Variants in PATJ observed in about 807,000 individuals in gnomAD.
PATJ encodes the protein inaD-like protein.
Under a neutral mutation model 224.9 loss-of-function variants are expected in PATJ, and 190 were observed. The ratio of observed to expected loss-of-function variants is 0.84; its 90% CI spans 0.75 to 0.95. The LOEUF is 0.95. PATJ is among the 40% of genes least tolerant of loss of function. The pLI is 0.00. For synonymous variants in PATJ, 769 were observed against 820.3 expected (o/e 0.94, Z 1.07); for missense variants, 2,121 against 2,270.3 (o/e 0.93, Z 1.34).
At position 62,161,150 on chromosome 1, in the gene PATJ, G is replaced by C. The variant is rs978517685; in HGVS notation, c.*96G>C. On this transcript the variant is annotated 3_prime_UTR_variant, in exon 44 of 44. Transcript: ENST00000642238. ...TATGAAAAGCACCCTCAACTAAAAT[G>C]CACCTTCATTCTTATTTCTTGCCCT... 4.8e-5 allele frequency: 46 copies of C among 959,442 alleles called. No individual in the cohort carries two copies. The African/African-American group carries it at 5.9e-4, about 12-fold the overall frequency. 59.4% of individuals were successfully genotyped at this position (959,442 alleles called of 1,614,324 possible).
In PATJ at chr1:61,922,493, G is replaced by A. The variant is rs557160694; in HGVS notation, c.3571-5237G>A. 2.6e-5 allele frequency among the ~76,000 whole-genome samples: 4 copies of A among 152,164 alleles called. No individual in the cohort carries two copies. The South Asian group carries it at 8.3e-4, about 32-fold the overall frequency. ...CCTCTATCACCCAGAACACTGCCTG[G>A]CATCATATATATTTCTTGAATGAAT... On this transcript the variant is annotated intron_variant, in intron 26 of 43. Transcript: ENST00000642238.
chr1:61,758,081 C>A (rs1038076386), intron 1 of PATJ, among the ~76,000 whole-genome samples: 2 of 152,146 alleles, frequency 1.3e-5, no homozygotes, highest in Admixed American at 6.6e-5. Flanking sequence ...TGTGTTAATG[C>A]AAAGGGTTGG....
intron 27 of PATJ, among the ~76,000 whole-genome samples, chr1:61,930,436 T>C (rs1459904041): frequency 6.6e-6 from 1 of 152,220 alleles, no homozygotes; most frequent in African/African-American, 2.4e-5. Flanking sequence ...GACTAAGCCT[T>C]TGTTTTTACA....
At chr1:61,919,125 G>A (rs1053231440) in intron 26 of PATJ, among the ~76,000 whole-genome samples, 5 of 150,710 alleles carry the variant, frequency 3.3e-5, no homozygotes, top group African/African-American at 9.8e-5. Flanking sequence ...AAGTGTGTTC[G>A]TCTTATCTGT....
intron 37 of PATJ, chr1:62,117,448 C>T (rs555728821): frequency 1.5e-6 from 2 of 1,349,834 alleles, no homozygotes; most frequent in Non-Finnish European, 1.9e-6. Context: ...CTTGGAAGCT[C>T]TTTTCTCTCT....
At chr1:62,153,891 C>T (rs774362585) in intron 43 of PATJ, among the ~76,000 whole-genome samples, 5 of 152,054 alleles carry the variant, frequency 3.3e-5, no homozygotes, top group East Asian at 1.9e-4. Context: ...GTGCAAGCCT[C>T]GAATCAGTGC....
At chr1:61,850,682 A>C (rs111668161) in intron 17 of PATJ, among the ~76,000 whole-genome samples, 25 of 152,366 alleles carry the variant, frequency 1.6e-4, no homozygotes, top group African/African-American at 5.8e-4. Flanking sequence ...CTAAAAGCAC[A>C]AACTCTGGGA....
intron 26 of PATJ, among the ~76,000 whole-genome samples, chr1:61,927,243 G>T (rs1473266213): frequency 6.6e-6 from 1 of 152,124 alleles, no homozygotes; most frequent in African/African-American, 2.4e-5. Context: ...TTTTCAGTTA[G>T]AAAATCTTGG....
chr1:61,952,391 T>C (rs1679845590), intron 27 of PATJ: 1 of 717,050 alleles, frequency 1.4e-6, no homozygotes, highest in Non-Finnish European at 2.6e-6. Flanking sequence ...AACACAACAA[T>C]GGTCCAAGGG....
intron 28 of PATJ, among the ~76,000 whole-genome samples, chr1:61,999,667 CA>C (rs575953445): frequency 0.011 from 1,630 of 151,862 alleles, 14 homozygotes; most frequent in Middle Eastern, 0.041. Context: ...GACTCTATCT[CA>C]AAAAAACAAA....
At chr1:62,116,509 G>A (rs979997219) in intron 35 of PATJ, 23 bp from the exon 36 acceptor site, 1 of 1,612,782 alleles carries the variant, frequency 6.2e-7, no homozygotes, top group Non-Finnish European at 8.5e-7. Flanking sequence ...TGCCAATACT[G>A]CACTGCTGTA....
rs546454793 is a variant in PATJ, at chr1:61,965,660, A to G, written c.3671-24508A>G. On this transcript the variant is annotated intron_variant, in intron 27 of 43. Coordinates refer to ENST00000642238, the MANE Select transcript of PATJ (RefSeq NM_001350145.3). ...AGTGACGGGAGAAATTGAGAAGTAC[A>G]GAGAAGGCATAGCACCCAAATGCGA... Among the ~76,000 whole-genome samples, 24 of 152,338 alleles carry G rather than the reference A, an allele frequency of 1.6e-4. No homozygotes were observed. In the East Asian group the frequency reaches 4.4e-3, roughly 28 times the overall value.
At position 62,161,326 on chromosome 1, in the gene PATJ, G is replaced by GTTT. The variant is rs1669814748; in HGVS notation, c.*272_*273insTTT. 4.7e-6 allele frequency: 1 copy of GTTT among 215,048 alleles called. No individual in the cohort carries two copies. Among genetic ancestry groups the GTTT allele is most frequent in the African/African-American group, 2.7e-5 (1 of 37,672 alleles). The allele number at this position is 215,048 out of a possible 1,614,324, so 13.3% of individuals were successfully genotyped here. A position where few individuals can be genotyped will look rare whatever the true frequency, so the allele number is the denominator to read the frequency against. On this transcript the variant is annotated 3_prime_UTR_variant, in exon 44 of 44. Transcript: ENST00000642238. The stretch of plus-strand genomic sequence containing the variant: ...GTTTTGCATTTAATTTCAGTGTTCC[G>GTTT]ATTTCTTTTTTTTTTTTTTTTTTTT...
At chr1:61,755,691 A>G (rs965812675) in intron 1 of PATJ, among the ~76,000 whole-genome samples, 1 of 152,198 alleles carries the variant, frequency 6.6e-6, no homozygotes, top group African/African-American at 2.4e-5. Context: ...TCAAACTATC[A>G]GTGGTGAAAG....
rs550589589 is a variant in PATJ at position 61,914,630 on chromosome 1, A to G, written c.3536A>G (p.Asn1179Ser). Reference protein sequence around the residue: ...VHNKANKITGNQNQDTQEKKE... With the variant: ...VHNKANKITGSQNQDTQEKKE... ...AACAAGGCCAACAAAATCACCGGTAACCAGAACCAGGACACCCAAGAAAAG... is the reference window on the plus strand; with the variant it reads ...AACAAGGCCAACAAAATCACCGGTAGCCAGAACCAGGACACCCAAGAAAAG... Residue 1179 changes from asparagine (N) to serine (S), a missense_variant, in exon 26 of 44, where the codon AAC (asparagine) becomes AGC (serine). By Grantham distance (46) the Asn-to-Ser change is conservative. Transcript: ENST00000642238. 2.5e-6 allele frequency: 4 copies of G among 1,581,186 alleles called. No individual in the cohort carries two copies. The South Asian group carries it at 4.4e-5, about 18-fold the overall frequency.
intron 25 of PATJ, among the ~76,000 whole-genome samples, chr1:61,911,695 TTATATA>T (rs141530445): frequency 0.06 from 8,467 of 140,572 alleles, 792 homozygotes; most frequent in African/African-American, 0.21. Context: ...CTATATATTT[TTATATA>T]TATATATATA....
At chr1:62,024,033 A>G (rs1647294762) in intron 29 of PATJ, among the ~76,000 whole-genome samples, 1 of 152,220 alleles carries the variant, frequency 6.6e-6, no homozygotes, top group Non-Finnish European at 1.5e-5. Context: ...CCAGCCTTGC[A>G]TCTCAGGAAT....
intron 28 of PATJ, among the ~76,000 whole-genome samples, chr1:62,014,174 G>A (rs1646628261): frequency 6.6e-6 from 1 of 152,042 alleles, no homozygotes; most frequent in Admixed American, 6.6e-5. Flanking sequence ...TCCCACCTCA[G>A]CTTCCTCTGA....
At position 62,054,545 on chromosome 1, in the gene PATJ, G is replaced by A. The variant is rs560906257; in HGVS notation, c.4125+3487G>A. Among the ~76,000 whole-genome samples, 43 of 152,162 alleles carry A rather than the reference G, an allele frequency of 2.8e-4. 1 individual carries two copies. Among genetic ancestry groups the A allele is most frequent in the Middle Eastern group, 6.8e-3 (2 of 294 alleles). The stretch of plus-strand genomic sequence containing the variant: ...ATTTCTTTAAAATATTTTTAAAGGG[G>A]GAAATAACTTTTTTGTAGATCAGTT... On this transcript the variant is annotated intron_variant, in intron 31 of 43. Coordinates refer to ENST00000642238, the MANE Select transcript of PATJ (RefSeq NM_001350145.3).
Sources: gnomAD v4.1 joint callset for allele counts (sites outside exome capture counted in the v4.1 genomes callset) on GRCh38, gnomAD v4.1.1 for gene constraint, MANE v1.5 for transcripts, NCBI Gene and HGNC (gene_info 2026-07-23, HGNC 2026-07-21) for gene names.